ACACA: variants seen among roughly 807,000 people sequenced by gnomAD.
The protein encoded by ACACA is acetyl-CoA carboxylase 1.
ACACA carries 103 observed loss-of-function variants against 296.1 expected under a neutral mutation model. The ratio of observed to expected loss-of-function variants is 0.35; its 90% CI spans 0.30 to 0.41. The LOEUF is 0.41. Among genes scored for constraint, ACACA ranks in the 10% least tolerant of loss-of-function variants. The pLI is 1.00. For missense variants in ACACA, 1,554 were observed against 2,989.7 expected, an observed-to-expected ratio of 0.52 and a Z score of 11.20; for synonymous variants, 953 against 1,038.6, an observed-to-expected ratio of 0.92 and a Z score of 1.58.
At chr17:37,175,065 G>A (rs1460717047) in intron 41 of ACACA, among the ~76,000 whole-genome samples, 1 of 152,112 alleles carries the variant, frequency 6.6e-6, no homozygotes, top group Non-Finnish European at 1.5e-5. Flanking sequence ...AGAAAAACAG[G>A]GTCCTAATTT....
intron 3 of ACACA, among the ~76,000 whole-genome samples, chr17:37,290,255 G>T (rs554336455): frequency 6.6e-6 from 1 of 152,242 alleles, no homozygotes; most frequent in South Asian, 2.1e-4. Context: ...CACCATGTTG[G>T]CCAGGCTGGT....
chr17:37,153,667 T>C (rs2076128992), intron 43 of ACACA, among the ~76,000 whole-genome samples: 1 of 152,328 alleles, frequency 6.6e-6, no homozygotes, highest in East Asian at 1.9e-4. Flanking sequence ...TATAATTTTT[T>C]CAAATGATTA....
At chr17:37,294,372 CTTAATTTTTAAGTGCTCTTTTATTTAT>C (rs1240563201) in intron 3 of ACACA, among the ~76,000 whole-genome samples, 3 of 152,142 alleles carry the variant, frequency 2.0e-5, no homozygotes, top group African/African-American at 4.8e-5. Context: ...GACTTATTTA[CTTAATTTTTAAGTGCTCTTTTATTTAT>C]AAGCCAATTT....
intron 1 of ACACA, among the ~76,000 whole-genome samples, chr17:37,394,253 C>A (rs12939093): frequency 0.43 from 65,680 of 151,008 alleles, 15,926 homozygotes; most frequent in East Asian, 0.79. Context: ...CTCTGTTGCC[C>A]AGGCTGGAGT....
intron 41 of ACACA, among the ~76,000 whole-genome samples, chr17:37,168,068 G>A (rs2076751109): frequency 6.6e-6 from 1 of 152,156 alleles, no homozygotes; most frequent in African/African-American, 2.4e-5. Context: ...TGACAGAACT[G>A]AGACTCAGCT....
At chr17:37,095,153 G>A (rs182251104) in intron 54 of ACACA, among the ~76,000 whole-genome samples, 1 of 152,214 alleles carries the variant, frequency 6.6e-6, no homozygotes, top group African/African-American at 2.4e-5. Flanking sequence ...TGACTAATGT[G>A]GTAGGGAGGC....
In ACACA at chr17:37,133,529, G is replaced by A. The variant is rs558616599; in HGVS notation, c.5680-3311C>T. Among the ~76,000 whole-genome samples, 6 of 152,292 alleles carry A rather than the reference G, an allele frequency of 3.9e-5. No homozygotes were observed. In the East Asian group the frequency reaches 7.7e-4, roughly 20 times the overall value. On this transcript the variant is annotated intron_variant, in intron 45 of 55. Transcript: ENST00000616317. ...AACCCTCATCAGTATCTAGGAAGAC[G>A]AATGGAGTCCACATAGACAGAACCA...
At chr17:37,368,923 G>A (rs891706735) in intron 1 of ACACA, among the ~76,000 whole-genome samples, 6 of 152,154 alleles carry the variant, frequency 3.9e-5, no homozygotes, top group African/African-American at 1.4e-4. Flanking sequence ...TGGTAAAGTT[G>A]TACATACCCT....
intron 42 of ACACA, among the ~76,000 whole-genome samples, chr17:37,156,332 G>A (rs1426280910): frequency 6.6e-6 from 1 of 151,970 alleles, no homozygotes; most frequent in East Asian, 1.9e-4. Context: ...CAAAGTGCTG[G>A]GATTAAAGGC....
chr17:37,239,925 C>T (rs548284280), intron 24 of ACACA, among the ~76,000 whole-genome samples: 1 of 152,318 alleles, frequency 6.6e-6, no homozygotes, highest in Admixed American at 6.5e-5. Context: ...GAAGCAATGT[C>T]AGCAGTAAAC....
intron 1 of ACACA, among the ~76,000 whole-genome samples, chr17:37,358,292 C>T (rs2049235525): frequency 6.6e-6 from 1 of 152,206 alleles, no homozygotes; most frequent in Admixed American, 6.5e-5. Flanking sequence ...GACCTTCACG[C>T]ACATTTTCCT....
At chr17:37,173,607 T>C (rs1400821788) in intron 41 of ACACA, among the ~76,000 whole-genome samples, 2 of 152,206 alleles carry the variant, frequency 1.3e-5, no homozygotes, top group African/African-American at 4.8e-5. Context: ...TATTTTTTTA[T>C]ATGTTTAAAA....
intron 3 of ACACA, among the ~76,000 whole-genome samples, chr17:37,313,097 T>A (rs1032440832): frequency 6.6e-6 from 1 of 152,132 alleles, no homozygotes; most frequent in African/African-American, 2.4e-5. Flanking sequence ...GAGGTTAGAA[T>A]TTTTACTTAT....
chr17:37,355,790 G>C (rs575505272), intron 1 of ACACA, among the ~76,000 whole-genome samples: 43 of 152,204 alleles, frequency 2.8e-4, no homozygotes, highest in African/African-American at 1.0e-3. Flanking sequence ...CCCGGGAGGC[G>C]GAGGTTGCGG....
At chr17:37,230,330 GC>G in intron 25 of ACACA, among the ~76,000 whole-genome samples, 2 of 151,588 alleles carry the variant, frequency 1.3e-5, no homozygotes, top group Middle Eastern at 3.4e-3. Flanking sequence ...GTTGTGGTGA[GC>G]CAAGATCGCG....
At chr17:37,161,366 T>C (rs1445428690) in intron 42 of ACACA, among the ~76,000 whole-genome samples, 8 of 152,102 alleles carry the variant, frequency 5.3e-5, no homozygotes, top group African/African-American at 1.9e-4. Context: ...GGGGAAGCAA[T>C]ATCTTTAGAG....
intron 35 of ACACA, among the ~76,000 whole-genome samples, chr17:37,196,440 C>T (rs2078001228): frequency 6.6e-6 from 1 of 151,612 alleles, no homozygotes; most frequent in South Asian, 2.1e-4. Context: ...ATATGTAGAC[C>T]TTTTTTTTAA....
chr17:37,374,986 A>G (rs538472509), intron 1 of ACACA, among the ~76,000 whole-genome samples: 23 of 151,292 alleles, frequency 1.5e-4, no homozygotes, highest in African/African-American at 5.3e-4. Context: ...ACTTGAGGTC[A>G]GGAGTTCGAG....
At chr17:37,324,310 G>A (rs953246845) in intron 3 of ACACA, among the ~76,000 whole-genome samples, 1 of 151,932 alleles carries the variant, frequency 6.6e-6, no homozygotes, top group Non-Finnish European at 1.5e-5. Flanking sequence ...AAGTTGCAGT[G>A]AGCCGAGATT....
Sources: allele counts gnomAD v4.1 joint callset (sites outside exome capture counted in the v4.1 genomes callset), GRCh38; gene constraint gnomAD v4.1.1; transcripts MANE v1.5; gene names NCBI Gene and HGNC (gene_info 2026-07-23, HGNC 2026-07-21).